Variants in NXN observed in about 807,000 individuals in gnomAD.
NXN encodes the protein nucleoredoxin.
In NXN, 16 loss-of-function variants were observed where a neutral mutation model predicts 48.6. That is an observed-to-expected ratio of 0.33 (90% CI 0.22 to 0.50). The LOEUF is 0.50. Among genes scored for constraint, NXN ranks in the 20% least tolerant of loss-of-function variants. NXN has a pLI of 0.98. For synonymous variants in NXN, 281 were observed against 269.6 expected (o/e 1.04, Z -0.41); for missense variants, 492 against 605.5 (o/e 0.81, Z 1.97).
intron 1 of NXN, among the ~76,000 whole-genome samples, chr17:944,372 G>A (rs188012025): frequency 1.3e-4 from 20 of 152,234 alleles, no homozygotes; most frequent in East Asian, 3.9e-4. Flanking sequence ...GATCAAATAC[G>A]CTTCTCTGAC....
chr17:959,998 AGGAG>A (rs1409797139), intron 1 of NXN, among the ~76,000 whole-genome samples: 1 of 152,098 alleles, frequency 6.6e-6, no homozygotes, highest in African/African-American at 2.4e-5. Context: ...ACACTGAGGC[AGGAG>A]AATCGCTTGA....
intron 1 of NXN, among the ~76,000 whole-genome samples, chr17:837,724 A>G (rs1913905705): frequency 2.0e-5 from 3 of 152,192 alleles, no homozygotes; most frequent in South Asian, 4.1e-4. Flanking sequence ...CCACCTGCGC[A>G]TTCTGCCTTC....
chr17:865,791 C>A (rs1159132594), intron 1 of NXN, among the ~76,000 whole-genome samples: 1 of 151,228 alleles, frequency 6.6e-6, no homozygotes, highest in Admixed American at 6.6e-5. Context: ...CGAGACCAGC[C>A]TGACCAACAT....
At chr17:924,104 G>C (rs551043698) in intron 1 of NXN, among the ~76,000 whole-genome samples, 3 of 147,954 alleles carry the variant, frequency 2.0e-5, no homozygotes, top group Admixed American at 1.4e-4. Context: ...GTCTCACTCT[G>C]TTGCCCAGGC....
chr17:904,636 C>G (rs1429927387), intron 1 of NXN, among the ~76,000 whole-genome samples: 1 of 152,068 alleles, frequency 6.6e-6, no homozygotes, highest in African/African-American at 2.4e-5. Flanking sequence ...CTCTGCCTCC[C>G]GGGTTCAAGC....
At chr17:946,118 C>A (rs2069040305) in intron 1 of NXN, among the ~76,000 whole-genome samples, 2 of 151,706 alleles carry the variant, frequency 1.3e-5, no homozygotes, top group African/African-American at 4.8e-5. Flanking sequence ...ATTCTAGGCG[C>A]TTGAAAGTTC....
At chr17:877,088 A>G (rs920163374) in intron 1 of NXN, among the ~76,000 whole-genome samples, 3 of 151,764 alleles carry the variant, frequency 2.0e-5, no homozygotes, top group African/African-American at 7.3e-5. Flanking sequence ...TCGAAAACAA[A>G]CAAAAAAACT....
In NXN at chr17:932,891, G is replaced by T. The variant is rs879800374; in HGVS notation, c.360+46428C>A. On this transcript the variant is annotated intron_variant, in intron 1 of 7. Coordinates refer to ENST00000336868, the MANE Select transcript of NXN (RefSeq NM_022463.5). This position sits in a 1 kb window ranked among gnomAD's most constrained non-coding sequence, Gnocchi z 4.1. ...TCGAACTCCTGACCTCAGGTGATCC[G>T]CCCGCCTCGGCCTCCCTCAGTACTG... is the stretch of plus-strand genomic sequence containing the variant. Among the ~76,000 whole-genome samples the T allele has an allele frequency of 6.6e-6, 1 of 152,118 alleles. No individual in the cohort carries two copies. Among genetic ancestry groups the T allele is most frequent in the Non-Finnish European group, 1.5e-5 (1 of 68,020 alleles).
At chr17:959,677 C>G (rs902362653) in intron 1 of NXN, among the ~76,000 whole-genome samples, 6 of 150,902 alleles carry the variant, frequency 4.0e-5, no homozygotes, top group Non-Finnish European at 7.4e-5. Flanking sequence ...GCCTGTGATC[C>G]CAGCTACTCC....
intron 1 of NXN, among the ~76,000 whole-genome samples, chr17:839,558 T>C (rs1002062061): frequency 3.3e-5 from 5 of 151,178 alleles, no homozygotes; most frequent in African/African-American, 1.2e-4. Context: ...CGCCTGTAAC[T>C]TCAGCACTTT....
At chr17:900,985 A>G (rs1286226076) in intron 1 of NXN, among the ~76,000 whole-genome samples, 1 of 135,288 alleles carries the variant, frequency 7.4e-6, no homozygotes, top group South Asian at 2.2e-4. Flanking sequence ...CAATGGCACG[A>G]TCTTGGTTCA....
At chr17:959,161 G>A (rs2069206113) in intron 1 of NXN, 1 of 725,358 alleles carries the variant, frequency 1.4e-6, no homozygotes, top group Non-Finnish European at 2.0e-6. Context: ...CCCTACGGAA[G>A]GCTGGAGAGG....
chr17:960,614 A>AT lies in NXN; in HGVS notation c.360+18704_360+18705insA, dbSNP rs2069225116. On this transcript the variant is annotated intron_variant, in intron 1 of 7. Coordinates refer to ENST00000336868, the MANE Select transcript of NXN (RefSeq NM_022463.5). ...CCACCTCAGCATCCTGAGTAGCTGAACTACAGGCACACACCACCATGCCTG... is the reference window on the plus strand; with the variant it reads ...CCACCTCAGCATCCTGAGTAGCTGAATCTACAGGCACACACCACCATGCCTG... Among the ~76,000 whole-genome samples, 4 of 38,416 alleles carry AT rather than the reference A, an allele frequency of 1.0e-4. No homozygotes were observed. The Non-Finnish European group carries it at 1.3e-3, about 13-fold the overall frequency. The allele number at this position is 38,416 out of a possible 152,430, so 25.2% of individuals were successfully genotyped here.
Position 979,449 on chromosome 17 carries a change from GCCGCCCCGGCCCCCGCTCCCGGCC to G in NXN, c.206_229del (p.Gly69_Ala76del). 1 of 1,231,884 alleles carries G rather than the reference GCCGCCCCGGCCCCCGCTCCCGGCC, an allele frequency of 8.1e-7. No individual in the cohort carries two copies. Among genetic ancestry groups the G allele is most frequent in the Non-Finnish European group, 1.0e-6 (1 of 979,010 alleles). The allele number at this position is 1,231,884 out of a possible 1,614,324, so 76.3% of individuals were successfully genotyped here. A position where few individuals can be genotyped will look rare whatever the true frequency, so the allele number is the denominator to read the frequency against. On this transcript the variant is annotated inframe_deletion, in exon 1 of 8. Coordinates refer to ENST00000336868, the MANE Select transcript of NXN (RefSeq NM_022463.5). ...GCGCCGCCGCGGCTCGGGCTCCGCC[GCCGCCCCGGCCCCCGCTCCCGGCC>G]CCGGCCCGGCCGCCGCGTCCCCCCG...
intron 1 of NXN, among the ~76,000 whole-genome samples, chr17:843,615 G>A (rs1458731722): frequency 6.6e-6 from 1 of 152,196 alleles, no homozygotes; most frequent in African/African-American, 2.4e-5. Context: ...GAGGGGGAGT[G>A]AGGAGCCAGC....
rs561237475 is a variant in NXN, at chr17:971,567, G to A, written c.360+7752C>T. ...CTACTAAAAACACAAAAAATTAGCC[G>A]GGCGTGAGGGCGGGCACCTGTGGTC... On this transcript the variant is annotated intron_variant, in intron 1 of 7. Transcript: ENST00000336868. Among the ~76,000 whole-genome samples, 8 of 151,888 alleles carry A rather than the reference G, an allele frequency of 5.3e-5. 1 individual carries two copies. The highest frequency in any genetic ancestry group is 4.2e-4 in the South Asian group (2 of 4,806).
intron 1 of NXN, among the ~76,000 whole-genome samples, chr17:969,488 G>A (rs2069346529): frequency 6.6e-6 from 1 of 152,216 alleles, no homozygotes; most frequent in Non-Finnish European, 1.5e-5. Flanking sequence ...AACATGCCCA[G>A]AGCTGGAAAA....
chr17:871,694 C>T (rs1000685507), intron 1 of NXN, among the ~76,000 whole-genome samples: 3 of 152,040 alleles, frequency 2.0e-5, no homozygotes, highest in South Asian at 2.1e-4. Flanking sequence ...TGAGCCACCG[C>T]GCCCAGCTGC....
At chr17:837,788 C>CG (rs1204848396) in intron 1 of NXN, among the ~76,000 whole-genome samples, 1 of 152,174 alleles carries the variant, frequency 6.6e-6, no homozygotes, top group Non-Finnish European at 1.5e-5. Flanking sequence ...GGAAAGGGGC[C>CG]GGGGGTCCGG....
Sources: allele counts gnomAD v4.1 joint callset (sites outside exome capture counted in the v4.1 genomes callset), GRCh38; gene constraint gnomAD v4.1.1; non-coding constraint Gnocchi (gnomAD v3.1); transcripts MANE v1.5; gene names NCBI Gene and HGNC (gene_info 2026-07-23, HGNC 2026-07-21).